The following RAB13 variants were observed in gnomAD, a reference collection of about 807,000 sequenced individuals.
RAB13 encodes ras-related protein Rab-13.
Under a neutral mutation model 29.3 loss-of-function variants are expected in RAB13, and 15 were observed. That is an observed-to-expected ratio of 0.51 (90% CI 0.34 to 0.79). RAB13 has a LOEUF of 0.79. Ranked by LOEUF, RAB13 falls within the 30% of genes least tolerant of loss-of-function variation. RAB13 has a pLI of 0.01. For missense variants in RAB13, 186 were observed against 255.5 expected, an observed-to-expected ratio of 0.73 and a Z score of 1.85; for synonymous variants, 82 against 93.8, an observed-to-expected ratio of 0.87 and a Z score of 0.73.
At position 153,981,787 on chromosome 1, in the gene RAB13, A is replaced by G. The variant is rs974147630; in HGVS notation, c.*312T>C. 2 of 442,284 alleles carry G rather than the reference A, an allele frequency of 4.5e-6. No homozygotes were observed. Among genetic ancestry groups the G allele is most frequent in the South Asian group, 5.0e-5 (2 of 40,320 alleles). 27.4% of individuals were successfully genotyped at this position (442,284 alleles called of 1,614,324 possible). A position where few individuals can be genotyped will look rare whatever the true frequency, so the allele number is the denominator to read the frequency against. ...ATCTAGTAACAGAATAAATCAGTGTATTTACATTTATGTTTGCCCTGAAAA... is the reference window on the plus strand; with the variant it reads ...ATCTAGTAACAGAATAAATCAGTGTGTTTACATTTATGTTTGCCCTGAAAA... On this transcript the variant is annotated 3_prime_UTR_variant, in exon 8 of 8. Coordinates refer to ENST00000368575, the MANE Select transcript of RAB13 (RefSeq NM_002870.5).
intron 1 of RAB13, 140 bp from the exon 2 acceptor site, chr1:153,984,921 T>C: frequency 7.2e-7 from 1 of 1,386,948 alleles, no homozygotes; most frequent in Non-Finnish European, 9.3e-7. Flanking sequence ...TTGTTGGAAA[T>C]GCCAAGCTAG....
At chr1:153,987,257 A>G (rs1649196374), upstream of RAB13, among the ~76,000 whole-genome samples, 1 of 152,184 alleles carries the variant, frequency 6.6e-6, no homozygotes, top group African/African-American at 2.4e-5. Context: ...CTGTAATCCC[A>G]GCACTTTGGG....
chr1:153,988,587 G>C (rs552345549), upstream of RAB13, among the ~76,000 whole-genome samples: 1 of 148,928 alleles, frequency 6.7e-6, no homozygotes, highest in Admixed American at 6.7e-5. Context: ...CACCGCGCCC[G>C]GCCTATTTTT....
At position 153,982,341 on chromosome 1, in the gene RAB13, A is replaced by G. The variant is rs533820369; in HGVS notation, c.534+50T>C. On this transcript the variant is annotated intron_variant, in intron 7 of 7. Coordinates refer to ENST00000368575, the MANE Select transcript of RAB13 (RefSeq NM_002870.5). ...CACACACACACACACACACATACAT[A>G]CACACACACACACCCCAGAGTTGTA... 2.3e-6 allele frequency: 3 copies of G among 1,330,966 alleles called. No individual in the cohort carries two copies. The East Asian group carries it at 8.6e-5, about 38-fold the overall frequency. The allele number at this position is 1,330,966 out of a possible 1,614,324, so 82.4% of individuals were successfully genotyped here.
chr1:153,984,957 T>C, intron 1 of RAB13, 176 bp from the exon 2 acceptor site: 1 of 1,356,400 alleles, frequency 7.4e-7, no homozygotes, highest in Non-Finnish European at 9.4e-7. Context: ...GCTGTATTTG[T>C]ATAGCAAGAA....
upstream of RAB13, chr1:153,990,662 C>A: frequency 8.3e-7 from 1 of 1,199,440 alleles, no homozygotes; most frequent in Non-Finnish European, 1.2e-6. Flanking sequence ...CTCCCCACTG[C>A]GGCGGATCAA....
At position 153,982,426 on chromosome 1, in the gene RAB13, G is replaced by C. The variant is rs202131118; in HGVS notation, c.499C>G (p.Arg167Gly). The change falls in exon 7 of 8, where the codon CGG (arginine) becomes GGG (glycine). Residue 167 changes from arginine (R) to glycine (G), a missense_variant. Arg to Gly is a moderately radical substitution (Grantham distance 125). Coordinates refer to ENST00000368575, the MANE Select transcript of RAB13 (RefSeq NM_002870.5). ...NVDEAFSSLARDILLKSGGRR... is the reference protein window; with the variant it reads ...NVDEAFSSLAGDILLKSGGRR... ...CCTCCTGACTTGAGCAAGATGTCCC[G>C]GGCCAGGGAACTAAAAGCCTAAAGT... The C allele has an allele frequency of 5.6e-6, 9 of 1,613,740 alleles. No homozygotes were observed. The highest frequency in any genetic ancestry group is 7.6e-6 in the Non-Finnish European group (9 of 1,179,898).
chr1:153,986,884 G>C (rs77449937), upstream of RAB13, among the ~76,000 whole-genome samples: 5,748 of 152,246 alleles, frequency 0.038, 166 homozygotes, highest in Non-Finnish European at 0.057. Context: ...GCAGAAGTAG[G>C]TTATTTGTTG....
chr1:153,989,785 G>C (rs554593943), upstream of RAB13, among the ~76,000 whole-genome samples: 4 of 151,642 alleles, frequency 2.6e-5, no homozygotes, highest in South Asian at 8.3e-4. Context: ...CCAGCTACTC[G>C]GGAGGCTGAG....
chr1:153,985,441 T>C, intron 1 of RAB13: 2 of 930,306 alleles, frequency 2.1e-6, no homozygotes, highest in Middle Eastern at 1.1e-3. Context: ...CTTGGGCACC[T>C]CCCCCAAGCC....
At chr1:153,984,337 C>T (rs1649095458) in intron 2 of RAB13, among the ~76,000 whole-genome samples, 1 of 152,130 alleles carries the variant, frequency 6.6e-6, no homozygotes, top group Non-Finnish European at 1.5e-5. Flanking sequence ...ACTTAAACAC[C>T]TTCAGGGTCT....
At chr1:153,990,185 C>T (rs1049331723), upstream of RAB13, among the ~76,000 whole-genome samples, 4 of 152,138 alleles carry the variant, frequency 2.6e-5, no homozygotes, top group African/African-American at 7.2e-5. Flanking sequence ...CCTGCCTCAG[C>T]CTCCAGAGTA....
chr1:153,986,570 A>G (rs1454127470), upstream of RAB13, among the ~76,000 whole-genome samples: 1 of 152,178 alleles, frequency 6.6e-6, no homozygotes, highest in Non-Finnish European at 1.5e-5. Context: ...TTCTGAGGCC[A>G]GAGAGGCTGG....
chr1:153,990,312 C>T (rs1429872595), upstream of RAB13, among the ~76,000 whole-genome samples: 1 of 152,172 alleles, frequency 6.6e-6, no homozygotes, highest in African/African-American at 2.4e-5. Flanking sequence ...GTGATCCACC[C>T]GCCTTGGCCT....
In RAB13 at chr1:153,982,408, A is replaced by T; in HGVS notation, c.517T>A (p.Ser173Thr). 6.2e-7 allele frequency: 1 copy of T among 1,613,780 alleles called. No homozygotes were observed. The highest frequency in any genetic ancestry group is 1.3e-5 in the African/African-American group (1 of 74,942). Residue 173 changes from serine to threonine, a missense_variant, in exon 7 of 8, where the codon TCA becomes ACA. Physicochemically the swap from Ser to Thr is moderately conservative, Grantham distance 58 (BLOSUM62 1). Transcript: ENST00000368575. ...CAACTTACTGATCTCCGGCCTCCTGACTTGAGCAAGATGTCCCGGGCCAGG... is the reference window on the plus strand; with the variant it reads ...CAACTTACTGATCTCCGGCCTCCTGTCTTGAGCAAGATGTCCCGGGCCAGG... ...SSLARDILLKSGGRRSGNGNK... is the reference protein window; with the variant it reads ...SSLARDILLKTGGRRSGNGNK...
Position 153,982,028 on chromosome 1 carries a change from C to T in RAB13, c.*71G>A. 1 of 1,346,166 alleles carries T rather than the reference C, an allele frequency of 7.4e-7. No homozygotes were observed. The highest frequency in any genetic ancestry group is 1.1e-6 in the Non-Finnish European group (1 of 937,316). 83.4% of individuals were successfully genotyped at this position (1,346,166 alleles called of 1,614,324 possible). On this transcript the variant is annotated 3_prime_UTR_variant, in exon 8 of 8. Transcript: ENST00000368575. ...CCCTCCAAGCCCCTCTGCTATTTCT[C>T]CCCTGCTCACTCCCTCTGCCGTTGT...
upstream of RAB13, among the ~76,000 whole-genome samples, chr1:153,988,847 G>C (rs1649264609): frequency 6.7e-6 from 1 of 148,800 alleles, no homozygotes; most frequent in Non-Finnish European, 1.5e-5. Flanking sequence ...CCCGACCTCA[G>C]GTGATCCACC....
rs1649169487 is a variant in RAB13 at position 153,986,326 on chromosome 1, C to T, written c.-90G>A. The T allele has an allele frequency of 2.7e-6, 3 of 1,094,660 alleles. No individual in the cohort carries two copies. Among genetic ancestry groups the T allele is most frequent in the Middle Eastern group, 4.1e-4 (2 of 4,862 alleles). 67.8% of individuals were successfully genotyped at this position (1,094,660 alleles called of 1,614,324 possible). A position where few individuals can be genotyped will look rare whatever the true frequency, so the allele number is the denominator to read the frequency against. ...GGTTGGCAAACAGAGCGGCACGGAG[C>T]CCAGGCCAGGAAGAAGTTTTCCTCC... On this transcript the variant is annotated 5_prime_UTR_variant, in exon 1 of 8. Transcript: ENST00000368575.
chr1:153,987,042 C>A (rs956614417), upstream of RAB13, among the ~76,000 whole-genome samples: 1 of 152,192 alleles, frequency 6.6e-6, no homozygotes, highest in Non-Finnish European at 1.5e-5. Flanking sequence ...TGTGTGATTT[C>A]TCTGACCAAA....
Sources: gnomAD v4.1 joint callset for allele counts (sites outside exome capture counted in the v4.1 genomes callset) on GRCh38, gnomAD v4.1.1 for gene constraint, MANE v1.5 for transcripts, NCBI Gene and HGNC (gene_info 2026-07-23, HGNC 2026-07-21) for gene names.